The following CCDC171 variants were observed in gnomAD, a reference collection of about 807,000 sequenced individuals.
The protein encoded by CCDC171 is coiled-coil domain containing 171.
Under a neutral mutation model 168.2 loss-of-function variants are expected in CCDC171, and 177 were observed. The observed-to-expected ratio is 1.05, with a 90% CI of 0.93 to 1.19. The LOEUF is 1.19. Ranked by LOEUF, CCDC171 falls within the 50% of genes most tolerant of loss-of-function variation. The probability of loss-of-function intolerance (pLI) is 0.00; values close to 1 mark genes in which losing one functional copy is unlikely to be tolerated. For synonymous variants in CCDC171, 687 were observed against 540.8 expected (o/e 1.27, Z -3.75); for missense variants, 1,991 against 1,539.0 (o/e 1.29, Z -4.91).
chr9:15,777,683 G>A lies in CCDC171; in HGVS notation c.2755G>A (p.Val919Ile). The A allele has an allele frequency of 1.2e-6, 2 of 1,613,912 alleles. No homozygotes were observed. Among genetic ancestry groups the A allele is most frequent in the South Asian group, 1.1e-5 (1 of 91,056 alleles). The change falls in exon 19 of 26, where the codon GTA becomes ATA. Residue 919 changes from valine (V) to isoleucine (I), a missense_variant. Coordinates refer to ENST00000380701, the MANE Select transcript of CCDC171 (RefSeq NM_173550.4). ...FAKLMDKISLVMECIPLHSSR... is the reference protein window; with the variant it reads ...FAKLMDKISLIMECIPLHSSR... ...AAAACTCATGGATAAAATTAGTCTGGTAATGGAATGTATACCTCTGCACAG... is the reference window on the plus strand; with the variant it reads ...AAAACTCATGGATAAAATTAGTCTGATAATGGAATGTATACCTCTGCACAG...
chr9:15,965,767 C>G (rs1048915312), intron 25 of CCDC171, among the ~76,000 whole-genome samples: 1 of 152,126 alleles, frequency 6.6e-6, no homozygotes, highest in Non-Finnish European at 1.5e-5. Context: ...ATTAGTCTGC[C>G]TCCTTTACAG....
the CCDC171 span, among the ~76,000 whole-genome samples, chr9:16,087,630 T>C: frequency 6.8e-6 from 1 of 146,614 alleles, no homozygotes; most frequent in Admixed American, 6.9e-5. Flanking sequence ...TTTGAGCCAA[T>C]GTGTATGTCT....
At chr9:15,815,048 A>G (rs1307451955) in intron 21 of CCDC171, among the ~76,000 whole-genome samples, 1 of 152,170 alleles carries the variant, frequency 6.6e-6, no homozygotes, top group East Asian at 1.9e-4. Flanking sequence ...AAAAATAAAG[A>G]TTTATTCACA....
intron 8 of CCDC171, among the ~76,000 whole-genome samples, chr9:15,663,745 G>T (rs2048501777): frequency 6.6e-6 from 1 of 151,436 alleles, no homozygotes; most frequent in Non-Finnish European, 1.5e-5. Flanking sequence ...AGCTGGGACT[G>T]CAGGCGCCCG....
At chr9:15,934,543 C>T (rs1826893889) in intron 25 of CCDC171, among the ~76,000 whole-genome samples, 1 of 151,814 alleles carries the variant, frequency 6.6e-6, no homozygotes, top group African/African-American at 2.4e-5. Context: ...AAACTGGAAC[C>T]CCTATACATT....
intron 3 of CCDC171, among the ~76,000 whole-genome samples, chr9:15,991,143 G>A (rs145621993): frequency 2.0e-3 from 303 of 152,072 alleles, no homozygotes; most frequent in African/African-American, 6.7e-3. Flanking sequence ...GCACCACATC[G>A]CACTTATTCC....
intron 3 of CCDC171, among the ~76,000 whole-genome samples, chr9:16,017,950 C>G (rs1269244940): frequency 6.6e-6 from 1 of 150,884 alleles, no homozygotes; most frequent in Non-Finnish European, 1.5e-5. Flanking sequence ...CCAAACAATA[C>G]TGCAGCAATT....
intron 11 of CCDC171, among the ~76,000 whole-genome samples, chr9:15,697,403 C>T (rs1024027384): frequency 1.3e-5 from 2 of 152,176 alleles, no homozygotes; most frequent in Non-Finnish European, 2.9e-5. Context: ...GTAGTCTCGT[C>T]ATTAAACTAT....
At chr9:16,068,720 A>T in the CCDC171 span, among the ~76,000 whole-genome samples, 1 of 150,560 alleles carries the variant, frequency 6.6e-6, no homozygotes, top group East Asian at 2.0e-4. Flanking sequence ...AGATTCCTTT[A>T]GGATGACGAT....
chr9:15,838,383 T>C (rs1036925888), intron 21 of CCDC171, among the ~76,000 whole-genome samples: 2 of 152,192 alleles, frequency 1.3e-5, no homozygotes, highest in African/African-American at 4.8e-5. Flanking sequence ...TGACCTCTTG[T>C]ATTTCTTTAA....
intron 3 of CCDC171, among the ~76,000 whole-genome samples, chr9:15,995,621 A>G (rs1300242296): frequency 2.0e-5 from 3 of 152,228 alleles, no homozygotes; most frequent in Non-Finnish European, 4.4e-5. Context: ...ATGTTTAATC[A>G]GCACTATAGA....
At chr9:15,671,748 C>T (rs929860761) in intron 9 of CCDC171, among the ~76,000 whole-genome samples, 2 of 152,108 alleles carry the variant, frequency 1.3e-5, no homozygotes, top group African/African-American at 4.8e-5. Context: ...TTTCTTAACC[C>T]AGTCTATCAT....
chr9:15,586,984 A>T lies in CCDC171; in HGVS notation c.353-4382A>T, dbSNP rs190247302. 6.6e-3 allele frequency among the ~76,000 whole-genome samples: 996 copies of T among 151,476 alleles called. 69 individuals carry two copies. In the East Asian group the frequency reaches 0.17, roughly 25 times the overall value. On this transcript the variant is annotated intron_variant, in intron 4 of 25. Transcript: ENST00000380701. ...CACCACACGTGACTAATTAAAAAAA[A>T]TTTTTTTTTGTAGAGACTAGGTCTT...
rs150235748 is a variant in CCDC171 at position 15,578,849 on chromosome 9, C to T, written c.178C>T (p.Leu60=). The part of the protein sequence containing the change: ...LEITTKHNAE[L]ASYESQIAKL... ...GTTGATATCAGGAATCTGTTTTTAG[C>T]TGGCAAGCTATGAGAGCCAGATTGC... Residue 60 remains leucine (L), a splice_region_variant and synonymous_variant, in exon 4 of 26, where the codon CTG becomes TTG. Transcript: ENST00000380701. The T allele has an allele frequency of 5.0e-6, 8 of 1,610,298 alleles. No homozygotes were observed. The highest frequency in any genetic ancestry group is 5.9e-6 in the Non-Finnish European group (7 of 1,178,254).
At chr9:15,709,739 T>C (rs1322600113) in intron 11 of CCDC171, among the ~76,000 whole-genome samples, 1 of 152,176 alleles carries the variant, frequency 6.6e-6, no homozygotes, top group Non-Finnish European at 1.5e-5. Context: ...AACATGTTTT[T>C]TCTTACTCCC....
rs1165000863 is a variant in CCDC171 at position 15,821,138 on chromosome 9, G to A, written c.3268-25564G>A. Among the ~76,000 whole-genome samples the A allele has an allele frequency of 3.4e-5, 4 of 116,684 alleles. 2 individuals are homozygous for A. The highest frequency in any genetic ancestry group is 6.5e-5 in the African/African-American group (2 of 30,996). 76.5% of individuals were successfully genotyped at this position (116,684 alleles called of 152,430 possible). On this transcript the variant is annotated intron_variant, in intron 21 of 25. Transcript: ENST00000380701. The stretch of plus-strand genomic sequence containing the variant: ...AAGGCCTTTGACAAAATTCAACAAC[G>A]CTTCATGGTAAAAACTCCCAATAAA...
At chr9:15,993,220 C>A (rs901525972) in intron 3 of CCDC171, among the ~76,000 whole-genome samples, 1 of 151,996 alleles carries the variant, frequency 6.6e-6, no homozygotes, top group African/African-American at 2.4e-5. Flanking sequence ...GTAAGCAAAA[C>A]AGCATGGTAC....
Position 15,571,791 on chromosome 9 carries a change from A to G in CCDC171, c.177+32A>G, listed in dbSNP as rs365710. 65,825 of 1,547,518 alleles carry G rather than the reference A, an allele frequency of 0.043. 1,636 individuals are homozygous for G. The highest frequency in any genetic ancestry group is 0.089 in the African/African-American group (6,297 of 70,920). On this transcript the variant is annotated intron_variant, in intron 3 of 25. Coordinates refer to ENST00000380701, the MANE Select transcript of CCDC171 (RefSeq NM_173550.4). ...TTTATTTTCCTCTCAAATAATGTTA[A>G]AAGTTGAGTTTGATTTTTTAGATTT... is the stretch of plus-strand genomic sequence containing the variant.
chr9:16,010,158 G>A (rs1444318540), intron 3 of CCDC171, among the ~76,000 whole-genome samples: 3 of 152,146 alleles, frequency 2.0e-5, no homozygotes, highest in African/African-American at 7.2e-5. Flanking sequence ...CTGAATGTGT[G>A]TGTGTGTACT....
Sources: allele counts gnomAD v4.1 joint callset (sites outside exome capture counted in the v4.1 genomes callset), GRCh38; gene constraint gnomAD v4.1.1; transcripts MANE v1.5; gene names NCBI Gene and HGNC (gene_info 2026-07-23, HGNC 2026-07-21).